EXOC2: variants seen among roughly 807,000 people sequenced by gnomAD.
The protein encoded by EXOC2 is exocyst complex component 2.
Under a neutral mutation model 131.8 loss-of-function variants are expected in EXOC2, and 70 were observed. The ratio of observed to expected loss-of-function variants is 0.53; its 90% CI spans 0.44 to 0.65. The LOEUF (loss-of-function observed/expected upper bound fraction) is 0.65. EXOC2 is among the 30% of genes least tolerant of loss of function. EXOC2 has a pLI of 0.00. For missense variants in EXOC2, 923 were observed against 1,108.6 expected (o/e 0.83, Z 2.38); for synonymous variants, 411 against 398.4 (o/e 1.03, Z -0.38).
At chr6:692,775 C>CGCGGGGGTGCGAACTG (rs1354123980) in intron 1 of EXOC2, among the ~76,000 whole-genome samples, 25 of 120,232 alleles carry the variant, frequency 2.1e-4, no homozygotes, top group African/African-American at 6.6e-4. Flanking sequence ...AGGTGGGGAC[C>CGCGGGGGTGCGAACTG]GCGGGGGTGC....
At chr6:551,273 TC>T (rs1244194857) in intron 21 of EXOC2, among the ~76,000 whole-genome samples, 1 of 152,158 alleles carries the variant, frequency 6.6e-6, no homozygotes, top group Non-Finnish European at 1.5e-5. Context: ...CGAACCAGTG[TC>T]TTCTGACTCC....
intron 23 of EXOC2, among the ~76,000 whole-genome samples, chr6:516,060 T>G (rs1765148128): frequency 6.6e-6 from 1 of 152,176 alleles, no homozygotes; most frequent in South Asian, 2.1e-4. Flanking sequence ...GCAGAACGTT[T>G]TTCAGTTTTC....
chr6:657,310 TA>T (rs1763179107), intron 1 of EXOC2: 1 of 180,826 alleles, frequency 5.5e-6, no homozygotes. Flanking sequence ...ATCTCTTTGG[TA>T]TATACACTGA....
chr6:542,245 T>C (rs1756598368), intron 22 of EXOC2, among the ~76,000 whole-genome samples: 1 of 152,188 alleles, frequency 6.6e-6, no homozygotes, highest in Non-Finnish European at 1.5e-5. Context: ...ACATCCTACA[T>C]TATGCGATAT....
At chr6:602,560 A>C (rs1337595535) in intron 7 of EXOC2, among the ~76,000 whole-genome samples, 3 of 152,206 alleles carry the variant, frequency 2.0e-5, no homozygotes, top group Non-Finnish European at 4.4e-5. Flanking sequence ...TCAGTGTCCA[A>C]CCACAGAACA....
intron 6 of EXOC2, 95 bp from the exon 7 acceptor site, chr6:610,273 C>A: frequency 9.0e-7 from 1 of 1,105,992 alleles, no homozygotes; most frequent in South Asian, 1.4e-5. Flanking sequence ...TTAAAATGGT[C>A]ATATTATTTT....
chr6:491,315 C>A, intron 25 of EXOC2, 129 bp from the exon 26 acceptor site: 1 of 832,050 alleles, frequency 1.2e-6, no homozygotes, highest in Non-Finnish European at 2.0e-6. Context: ...CCATGGTGAC[C>A]GCCAGTCATG....
At chr6:584,484 T>C (rs1759091651) in intron 11 of EXOC2, among the ~76,000 whole-genome samples, 1 of 152,206 alleles carries the variant, frequency 6.6e-6, no homozygotes, top group African/African-American at 2.4e-5. Context: ...TGGAGTAACA[T>C]AAATGTTTTT....
chr6:541,340 A>G (rs1319478363), intron 22 of EXOC2, among the ~76,000 whole-genome samples: 1 of 152,262 alleles, frequency 6.6e-6, no homozygotes, highest in Admixed American at 6.5e-5. Context: ...TTAGAGGGAA[A>G]TTCACAGCCT....
At chr6:536,705 C>G (rs1766463561) in intron 22 of EXOC2, among the ~76,000 whole-genome samples, 2 of 152,004 alleles carry the variant, frequency 1.3e-5, no homozygotes, top group South Asian at 2.1e-4. Context: ...CATCATAGAC[C>G]TAAACATAAA....
At chr6:518,679 C>G (rs917772395) in intron 23 of EXOC2, among the ~76,000 whole-genome samples, 3 of 151,966 alleles carry the variant, frequency 2.0e-5, no homozygotes, top group African/African-American at 7.3e-5. Flanking sequence ...AGCACTGACT[C>G]TAATATATCA....
chr6:617,604 T>C, intron 6 of EXOC2, 107 bp downstream of exon 6: 1 of 1,383,324 alleles, frequency 7.2e-7, no homozygotes, highest in Non-Finnish European at 9.6e-7. Context: ...TTGAGATCTC[T>C]ACTTTGATAA....
chr6:656,970 G>C lies in EXOC2; in HGVS notation c.-43-19109C>G, dbSNP rs201557221. The C allele has an allele frequency of 2.5e-4, 370 of 1,490,712 alleles. No homozygotes were observed. The African/African-American group carries it at 4.6e-3, about 19-fold the overall frequency. The allele number at this position is 1,490,712 out of a possible 1,614,324, so 92.3% of individuals were successfully genotyped here. ...GATGCCACAGGGAAGGCAGCTGGGG[G>C]CCTCTGAGGGGGATTCCGCGTGCCA... On this transcript the variant is annotated intron_variant, in intron 1 of 27. Coordinates refer to ENST00000230449, the MANE Select transcript of EXOC2 (RefSeq NM_018303.6).
At chr6:575,166 C>G (rs190468180) in intron 12 of EXOC2, among the ~76,000 whole-genome samples, 2 of 152,326 alleles carry the variant, frequency 1.3e-5, no homozygotes, top group East Asian at 1.9e-4. Flanking sequence ...TGAGTTCACA[C>G]AAGATCTAGT....
rs138141501 is a variant in EXOC2 at position 566,384 on chromosome 6, C to T, written c.1444-1455G>A. Among the ~76,000 whole-genome samples the T allele has an allele frequency of 2.1e-3, 318 of 152,322 alleles. 2 individuals carry two copies. The highest frequency in any genetic ancestry group is 7.0e-3 in the African/African-American group (292 of 41,564). ...AGTGGCCCAGGTGAACACAGCCACA[C>T]TGAGACAGCAGCAGGTGAGCCCAGG... is the stretch of plus-strand genomic sequence containing the variant. On this transcript the variant is annotated intron_variant, in intron 13 of 27. Transcript: ENST00000230449.
intron 1 of EXOC2, among the ~76,000 whole-genome samples, chr6:661,919 C>G (rs1431106291): frequency 2.0e-5 from 3 of 152,188 alleles, no homozygotes; most frequent in East Asian, 1.9e-4. Context: ...TCAGCTAACA[C>G]ATAAGGACTC....
intron 25 of EXOC2, among the ~76,000 whole-genome samples, chr6:494,657 ATTTG>A (rs978146731): frequency 6.6e-6 from 1 of 152,064 alleles, no homozygotes; most frequent in Non-Finnish European, 1.5e-5. Context: ...AGTTAGTTTT[ATTTG>A]TTCTAGAACT....
intron 22 of EXOC2, 113 bp downstream of exon 22, chr6:549,062 G>T (rs1241706590): frequency 2.5e-6 from 2 of 793,490 alleles, no homozygotes; most frequent in Middle Eastern, 2.3e-4. Context: ...GTGTGGCTGT[G>T]GGGGCGGCAC....
In EXOC2 at chr6:486,831, C is replaced by G. The variant is rs369443593; in HGVS notation, c.2682-67G>C. ...GCGGCCTAGCAACGCAAGAAAACAC[C>G]AGGGGAGCCAGTGCCCGGCTCTGCC... On this transcript the variant is annotated intron_variant, in intron 27 of 27. Transcript: ENST00000230449. The G allele has an allele frequency of 2.8e-4, 359 of 1,261,306 alleles. No individual in the cohort carries two copies. The African/African-American group carries it at 4.9e-3, about 17-fold the overall frequency. 78.1% of individuals were successfully genotyped at this position (1,261,306 alleles called of 1,614,324 possible). A position where few individuals can be genotyped will look rare whatever the true frequency, so the allele number is the denominator to read the frequency against.
Sources: gnomAD v4.1 joint callset for allele counts (sites outside exome capture counted in the v4.1 genomes callset) on GRCh38, gnomAD v4.1.1 for gene constraint, MANE v1.5 for transcripts, NCBI Gene and HGNC (gene_info 2026-07-23, HGNC 2026-07-21) for gene names.